Variants in DGLUCY observed in about 807,000 individuals in gnomAD.
DGLUCY encodes D-glutamate cyclase, mitochondrial.
Under a neutral mutation model 58.5 loss-of-function variants are expected in DGLUCY, and 58 were observed. The ratio of observed to expected loss-of-function variants is 0.99; its 90% CI spans 0.80 to 1.23. The LOEUF is 1.23. Among genes scored for constraint, DGLUCY ranks in the 50% most tolerant of loss-of-function variants. The pLI is 0.00. For synonymous variants in DGLUCY, 325 were observed against 314.1 expected, an observed-to-expected ratio of 1.03 and a Z score of -0.37; for missense variants, 779 against 784.7, an observed-to-expected ratio of 0.99 and a Z score of 0.09.
At chr14:91,137,586 G>A (rs1277940846) in intron 1 of DGLUCY, among the ~76,000 whole-genome samples, 1 of 149,774 alleles carries the variant, frequency 6.7e-6, no homozygotes, top group Non-Finnish European at 1.5e-5. Flanking sequence ...TAGTACAGAC[G>A]GGGTTTCACC....
intron 7 of DGLUCY, among the ~76,000 whole-genome samples, 191 bp downstream of exon 7, chr14:91,176,247 G>A (rs967189449): frequency 2.0e-5 from 3 of 151,804 alleles, no homozygotes; most frequent in Non-Finnish European, 4.4e-5. Flanking sequence ...TTTTTTTTGA[G>A]ACAGGGTCTC....
In DGLUCY at chr14:91,181,399, A is replaced by G. The variant is rs1235536207; in HGVS notation, c.934+10A>G. ...ATCGGCATAGACCCAGGTAAGAAAC[A>G]ACACATTTGCTCGGCATAGACCCAG... On this transcript the variant is annotated intron_variant, in intron 8 of 13. Coordinates refer to ENST00000256324, the MANE Select transcript of DGLUCY (RefSeq NM_001102368.3). The G allele has an allele frequency of 6.2e-7, 1 of 1,610,670 alleles. No homozygotes were observed. Among genetic ancestry groups the G allele is most frequent in the South Asian group, 1.1e-5 (1 of 91,046 alleles).
In DGLUCY at chr14:91,135,737, T is replaced by A. The variant is rs558591070; in HGVS notation, c.-82+21454T>A. On this transcript the variant is annotated intron_variant, in intron 1 of 13. Coordinates refer to ENST00000256324, the MANE Select transcript of DGLUCY (RefSeq NM_001102368.3). The stretch of plus-strand genomic sequence containing the variant: ...CCTTGCTAGATGTTCTTTATCAACT[T>A]CTAGTTCAAATTAGTTGAGTTTTTA... Among the ~76,000 whole-genome samples the A allele has an allele frequency of 1.1e-3, 167 of 151,600 alleles. 6 individuals carry two copies. The South Asian group carries it at 0.034, about 31-fold the overall frequency.
At chr14:91,185,851 G>A (rs1366815803) in intron 8 of DGLUCY, among the ~76,000 whole-genome samples, 1 of 152,150 alleles carries the variant, frequency 6.6e-6, no homozygotes, top group Non-Finnish European at 1.5e-5. Context: ...TGAGGCTGGG[G>A]GAGGCAGATT....
At chr14:91,178,507 A>C (rs7145593) in intron 7 of DGLUCY, among the ~76,000 whole-genome samples, 150,670 of 152,236 alleles carry the variant, frequency 0.99, 74,578 homozygotes, top group Middle Eastern at 1. Context: ...GATTATGTGC[A>C]ACAGACCTCA....
chr14:91,174,226 G>A (rs749874816), intron 6 of DGLUCY, among the ~76,000 whole-genome samples: 76 of 151,996 alleles, frequency 5.0e-4, no homozygotes, highest in African/African-American at 1.2e-3. Context: ...TGGAAGCTCC[G>A]CACCCCTTCC....
At chr14:91,132,030 T>G (rs1435388877) in intron 1 of DGLUCY, among the ~76,000 whole-genome samples, 1 of 152,164 alleles carries the variant, frequency 6.6e-6, no homozygotes, top group Admixed American at 6.6e-5. Flanking sequence ...TGACCTCAGG[T>G]GATCTGCCCA....
intron 5 of DGLUCY, among the ~76,000 whole-genome samples, chr14:91,171,552 C>T (rs1317533156): frequency 1.3e-5 from 2 of 152,240 alleles, no homozygotes; most frequent in Non-Finnish European, 2.9e-5. Context: ...CCAGTGGCTC[C>T]AGCATGTCCC....
chr14:91,160,493 T>G, intron 3 of DGLUCY, 96 bp downstream of exon 3: 1 of 835,748 alleles, frequency 1.2e-6, no homozygotes, highest in Non-Finnish European at 1.8e-6. Flanking sequence ...TCCTAAGACT[T>G]CTAGATTCTG....
intron 1 of DGLUCY, among the ~76,000 whole-genome samples, chr14:91,097,687 T>C (rs2044417967): frequency 6.6e-6 from 1 of 151,780 alleles, no homozygotes; most frequent in African/African-American, 2.4e-5. Context: ...TTTTTTTTTT[T>C]TTTGAGACGG....
intron 1 of DGLUCY, among the ~76,000 whole-genome samples, chr14:91,089,829 A>C (rs889962293): frequency 2.0e-5 from 3 of 152,084 alleles, no homozygotes; most frequent in Non-Finnish European, 4.4e-5. Flanking sequence ...TCAAAAAAAA[A>C]AAAAGCATGA....
chr14:91,081,430 G>T (rs1269747893), intron 1 of DGLUCY, among the ~76,000 whole-genome samples: 1 of 152,226 alleles, frequency 6.6e-6, no homozygotes, highest in Non-Finnish European at 1.5e-5. Flanking sequence ...ATAGGCCAGG[G>T]CCAGCATGAC....
intron 1 of DGLUCY, among the ~76,000 whole-genome samples, chr14:91,077,338 GA>G (rs146152822): frequency 9.0e-5 from 13 of 145,106 alleles, no homozygotes; most frequent in South Asian, 2.2e-4. Context: ...GAGAGGCAGA[GA>G]AAAAAAGAAA....
upstream of DGLUCY, among the ~76,000 whole-genome samples, chr14:91,106,095 G>C (rs1002189442): frequency 2.0e-5 from 3 of 152,118 alleles, no homozygotes; most frequent in African/African-American, 7.2e-5. Flanking sequence ...ATCACCTGAG[G>C]TCAGGAGTTT....
At chr14:91,102,880 G>A (rs544877460) in intron 1 of DGLUCY, among the ~76,000 whole-genome samples, 1 of 151,756 alleles carries the variant, frequency 6.6e-6, no homozygotes, top group Admixed American at 6.6e-5. Flanking sequence ...TCCTGCCTCA[G>A]CCTCCCAAGT....
Position 91,181,175 on chromosome 14 carries a change from G to T in DGLUCY, c.731-11G>T. 1.2e-6 allele frequency: 2 copies of T among 1,613,660 alleles called. No homozygotes were observed. The highest frequency in any genetic ancestry group is 4.5e-5 in the East Asian group (2 of 44,882). ...GTGGCTGGGCTCAGACCCTCCTGCTGTGTGTTTTAGAGACCCCACTGGCTT... is the reference window on the plus strand; with the variant it reads ...GTGGCTGGGCTCAGACCCTCCTGCTTTGTGTTTTAGAGACCCCACTGGCTT... On this transcript the variant is annotated splice_polypyrimidine_tract_variant and intron_variant, in intron 7 of 13. Coordinates refer to ENST00000256324, the MANE Select transcript of DGLUCY (RefSeq NM_001102368.3).
At position 91,085,536 on chromosome 14, in the gene DGLUCY, A is replaced by T. The variant is rs541254053; in HGVS notation, c.-82+24832A>T. ...CCCTTGCAGATACCAAAATCCATGA[A>T]TGCTCAAGTTCCTTTGTTTTTTTTT... On this transcript the variant is annotated intron_variant, in intron 1 of 4. Coordinates refer to the DGLUCY transcript ENST00000521334. 2.0e-5 allele frequency among the ~76,000 whole-genome samples: 3 copies of T among 149,976 alleles called. No individual in the cohort carries two copies. In the South Asian group the frequency reaches 6.3e-4, roughly 31 times the overall value.
At chr14:91,218,862 G>A (rs888353095) in intron 13 of DGLUCY, among the ~76,000 whole-genome samples, 1 of 152,056 alleles carries the variant, frequency 6.6e-6, no homozygotes, top group Non-Finnish European at 1.5e-5. Flanking sequence ...AATTTCAGGA[G>A]CCAAGATGGA....
intron 11 of DGLUCY, among the ~76,000 whole-genome samples, chr14:91,202,677 G>A (rs2050645400): frequency 6.6e-6 from 1 of 152,276 alleles, no homozygotes; most frequent in African/African-American, 2.4e-5. Context: ...AGAGATCTCT[G>A]TGGCTACAGG....
Sources: allele counts gnomAD v4.1 joint callset (sites outside exome capture counted in the v4.1 genomes callset), GRCh38; gene constraint gnomAD v4.1.1; transcripts MANE v1.5; gene names NCBI Gene and HGNC (gene_info 2026-07-23, HGNC 2026-07-21).